Variants in SRCIN1 observed in about 807,000 individuals in gnomAD.
SRCIN1 encodes the protein SRC kinase signaling inhibitor 1.
SRCIN1 carries 50 observed loss-of-function variants against 116.2 expected under a neutral mutation model. The ratio of observed to expected loss-of-function variants is 0.43; its 90% CI spans 0.34 to 0.54. The LOEUF is 0.54. Among genes scored for constraint, SRCIN1 ranks in the 20% least tolerant of loss-of-function variants. The pLI, the probability that SRCIN1 is intolerant of heterozygous loss-of-function variation, is 0.02. For synonymous variants in SRCIN1, 736 were observed against 750.0 expected (o/e 0.98, Z 0.30); for missense variants, 1,446 against 1,672.0 (o/e 0.86, Z 2.36).
At position 38,559,443 on chromosome 17, in the gene SRCIN1, A is replaced by G. The variant is rs943529969; in HGVS notation, c.2025+142T>C. 4.9e-6 allele frequency: 4 copies of G among 824,666 alleles called. No homozygotes were observed. In the Admixed American group the frequency reaches 8.8e-5, roughly 18 times the overall value. 51.1% of individuals were successfully genotyped at this position (824,666 alleles called of 1,614,324 possible). On this transcript the variant is annotated intron_variant, in intron 10 of 18. Coordinates refer to ENST00000617146, the MANE Select transcript of SRCIN1 (RefSeq NM_025248.3). ...GGGGAAGGGGAGAAAGGGTTCGGAG[A>G]GAGGCCAGTGAGCGGCGAAGGACTC...
intron 1 of SRCIN1, 124 bp downstream of exon 1, chr17:38,605,560 C>T: frequency 1.5e-6 from 1 of 655,684 alleles, no homozygotes; most frequent in Non-Finnish European, 2.2e-6. Flanking sequence ...CCCCGCCGGC[C>T]ACCGCCTCCC....
In SRCIN1 at chr17:38,605,554, G is replaced by A; in HGVS notation, c.22+130C>T. ...CCTGCGCCCCAGCATCCCTCGCCCC[G>A]CCGGCCACCGCCTCCCCGGCCCGGC... On this transcript the variant is annotated intron_variant, in intron 1 of 18. Coordinates refer to ENST00000617146, the MANE Select transcript of SRCIN1 (RefSeq NM_025248.3). 3 of 580,786 alleles carry A rather than the reference G, an allele frequency of 5.2e-6. No homozygotes were observed. The highest frequency in any genetic ancestry group is 6.6e-5 in the East Asian group (1 of 15,126). 36.0% of individuals were successfully genotyped at this position (580,786 alleles called of 1,614,324 possible).
chr17:38,590,575 AT>A (rs1268487830), intron 1 of SRCIN1, among the ~76,000 whole-genome samples: 1 of 152,194 alleles, frequency 6.6e-6, no homozygotes. Context: ...ATTCATGATG[AT>A]CTCAAAGGGC....
At chr17:38,599,230 G>A (rs1230638530) in intron 1 of SRCIN1, among the ~76,000 whole-genome samples, 1 of 152,082 alleles carries the variant, frequency 6.6e-6, no homozygotes, top group African/African-American at 2.4e-5. Context: ...AGACCAGAGG[G>A]GGCAACTAAA....
chr17:38,605,398 C>G (rs1567890701), intron 1 of SRCIN1, among the ~76,000 whole-genome samples: 1 of 149,712 alleles, frequency 6.7e-6, no homozygotes, highest in Non-Finnish European at 1.5e-5. Flanking sequence ...GGCCCCCACC[C>G]CGGGGCGTAG....
intron 1 of SRCIN1, among the ~76,000 whole-genome samples, chr17:38,597,652 T>C (rs956090805): frequency 3.9e-5 from 6 of 152,208 alleles, no homozygotes; most frequent in African/African-American, 1.4e-4. Context: ...AGGGCTGCGA[T>C]TGCAGCCCAG....
rs1053121436 is a variant in SRCIN1 at position 38,552,305 on chromosome 17, G to C, written c.2480+142C>G. 3.6e-6 allele frequency: 5 copies of C among 1,405,108 alleles called. No individual in the cohort carries two copies. Among genetic ancestry groups the C allele is most frequent in the East Asian group, 2.5e-5 (1 of 40,582 alleles). The allele number at this position is 1,405,108 out of a possible 1,614,324, so 87.0% of individuals were successfully genotyped here. A position where few individuals can be genotyped will look rare whatever the true frequency, so the allele number is the denominator to read the frequency against. ...GGAAGCCAGGTCTACAGCATGCAGGGGTCACAGGGCAGAGCTGAGGTGCCA... is the reference window on the plus strand; with the variant it reads ...GGAAGCCAGGTCTACAGCATGCAGGCGTCACAGGGCAGAGCTGAGGTGCCA... On this transcript the variant is annotated intron_variant, in intron 13 of 18. Coordinates refer to ENST00000617146, the MANE Select transcript of SRCIN1 (RefSeq NM_025248.3). The surrounding 1 kb of genome is among the most constrained non-coding windows in gnomAD (Gnocchi z 5.3).
intron 2 of SRCIN1, chr17:38,574,786 CT>C: frequency 2.5e-6 from 1 of 400,042 alleles, no homozygotes; most frequent in Non-Finnish European, 4.4e-6. Flanking sequence ...AATAAAAGTC[CT>C]GAACATCCCC....
intron 18 of SRCIN1, among the ~76,000 whole-genome samples, chr17:38,540,702 T>C (rs1404357708): frequency 1.3e-5 from 2 of 152,050 alleles, no homozygotes; most frequent in Non-Finnish European, 2.9e-5. Context: ...GGGTTGATCA[T>C]CTGCCAGGGG....
chr17:38,560,140 C>T, intron 8 of SRCIN1, 43 bp from the exon 9 acceptor site: 2 of 1,515,332 alleles, frequency 1.3e-6, no homozygotes, highest in Non-Finnish European at 1.8e-6. Flanking sequence ...CCAGGCCAGC[C>T]CCAGACCTTC....
chr17:38,548,605 C>G lies in SRCIN1; in HGVS notation c.3222G>C (p.Ser1074=). ...RPASTPPIMA[S]AIKDEDDEDR... ...CCTCGTCATCCTCGTCCTTGATGGC[C>G]GAGGCCATGATGGGTGGTGTGGAGG... The change falls in exon 17 of 19, where the codon TCG becomes TCC. Residue 1074 remains serine (S), a synonymous_variant. Transcript: ENST00000617146. 6.2e-7 allele frequency: 1 copy of G among 1,613,076 alleles called. No individual in the cohort carries two copies. Among genetic ancestry groups the G allele is most frequent in the Non-Finnish European group, 8.5e-7 (1 of 1,179,806 alleles).
At chr17:38,600,676 G>C (rs950206327) in intron 1 of SRCIN1, among the ~76,000 whole-genome samples, 1 of 152,224 alleles carries the variant, frequency 6.6e-6, no homozygotes, top group African/African-American at 2.4e-5. Flanking sequence ...AGGGTGCACA[G>C]CCTCAAGCCC....
intron 1 of SRCIN1, among the ~76,000 whole-genome samples, chr17:38,605,438 C>T (rs1026804591): frequency 2.0e-5 from 3 of 149,364 alleles, no homozygotes; most frequent in African/African-American, 4.9e-5. Flanking sequence ...TCTCCTGCCT[C>T]GCCACCCTGC....
rs1247174272 is a variant in SRCIN1, at chr17:38,605,715, G to A, written c.-10C>T. On this transcript the variant is annotated 5_prime_UTR_variant, in exon 1 of 19. Coordinates refer to ENST00000617146, the MANE Select transcript of SRCIN1 (RefSeq NM_025248.3). ...ACGGAGCGTTCCCCATCGGGCGGGG[G>A]CGCGGGGGGCGGGGGCCCCGGGCCG... 1.0e-5 allele frequency: 12 copies of A among 1,200,748 alleles called. No homozygotes were observed. Among genetic ancestry groups the A allele is most frequent in the South Asian group, 3.7e-5 (1 of 27,006 alleles). 74.4% of individuals were successfully genotyped at this position (1,200,748 alleles called of 1,614,324 possible).
At chr17:38,594,628 C>T (rs911675737) in intron 1 of SRCIN1, among the ~76,000 whole-genome samples, 3 of 141,228 alleles carry the variant, frequency 2.1e-5, no homozygotes, top group African/African-American at 7.6e-5. Flanking sequence ...CTGGGCCCAT[C>T]ACTACTTTTT....
chr17:38,591,465 T>C (rs1439538228), intron 1 of SRCIN1, among the ~76,000 whole-genome samples: 1 of 152,220 alleles, frequency 6.6e-6, no homozygotes, highest in East Asian at 1.9e-4. Flanking sequence ...TCTTGGCTGC[T>C]GGCCTTCAGA....
At chr17:38,554,452 T>C (rs1905656352) in intron 11 of SRCIN1, among the ~76,000 whole-genome samples, 1 of 152,056 alleles carries the variant, frequency 6.6e-6, no homozygotes, top group Non-Finnish European at 1.5e-5. Context: ...GAATATTCCA[T>C]TCACCCATAC....
chr17:38,605,725 C>G lies in SRCIN1; in HGVS notation c.-20G>C. Reference sequence around the variant, plus strand: ...CCCCATCGGGCGGGGGCGCGGGGGGCGGGGGCCCCGGGCCGGCCTGCCTGG... The same window carrying G: ...CCCCATCGGGCGGGGGCGCGGGGGGGGGGGGCCCCGGGCCGGCCTGCCTGG... On this transcript the variant is annotated 5_prime_UTR_variant, in exon 1 of 19. Transcript: ENST00000617146. 3 of 1,075,578 alleles carry G rather than the reference C, an allele frequency of 2.8e-6. No homozygotes were observed. Among genetic ancestry groups the G allele is most frequent in the South Asian group, 4.2e-5 (1 of 23,912 alleles). 66.6% of individuals were successfully genotyped at this position (1,075,578 alleles called of 1,614,324 possible). A position where few individuals can be genotyped will look rare whatever the true frequency, so the allele number is the denominator to read the frequency against.
chr17:38,594,790 C>G (rs1908634085), intron 1 of SRCIN1, among the ~76,000 whole-genome samples: 1 of 152,168 alleles, frequency 6.6e-6, no homozygotes, highest in African/African-American at 2.4e-5. Context: ...CAGGCTGACT[C>G]TCAAGTCCAA....
Sources: gnomAD v4.1 joint callset for allele counts (sites outside exome capture counted in the v4.1 genomes callset) on GRCh38, gnomAD v4.1.1 for gene constraint, Gnocchi (gnomAD v3.1) non-coding constraint, MANE v1.5 for transcripts, NCBI Gene and HGNC (gene_info 2026-07-23, HGNC 2026-07-21) for gene names.